The following WNT7A variants were observed in gnomAD, a reference collection of about 807,000 sequenced individuals.
The protein encoded by WNT7A is protein Wnt-7a.
A neutral mutation model predicts 28.2 loss-of-function variants in WNT7A; 16 were observed. The observed-to-expected ratio is 0.57, with a 90% confidence interval of 0.38 to 0.86. WNT7A has a LOEUF of 0.86. Among genes scored for constraint, WNT7A ranks in the 40% least tolerant of loss-of-function variants. WNT7A has a pLI of 0.00. For synonymous variants in WNT7A, 190 were observed against 195.9 expected, an observed-to-expected ratio of 0.97 and a Z score of 0.25; for missense variants, 411 against 489.7, an observed-to-expected ratio of 0.84 and a Z score of 1.52.
intron 2 of WNT7A, among the ~76,000 whole-genome samples, chr3:13,868,680 GA>G (rs571778971): frequency 6.2e-4 from 9 of 14,506 alleles, no homozygotes; most frequent in East Asian, 6.7e-3. Flanking sequence ...GAGAGAGGGG[GA>G]GAGAGAGAGA....
At chr3:13,870,108 C>T (rs1217152339) in intron 2 of WNT7A, among the ~76,000 whole-genome samples, 1 of 152,216 alleles carries the variant, frequency 6.6e-6, no homozygotes, top group Non-Finnish European at 1.5e-5. Context: ...GCCACACTCC[C>T]TCTGCCTTCT....
Position 13,874,942 on chromosome 3 carries a change from C to A in WNT7A, c.298+5G>T. The A allele has an allele frequency of 6.2e-7, 1 of 1,613,822 alleles. No homozygotes were observed. Among genetic ancestry groups the A allele is most frequent in the African/African-American group, 1.3e-5 (1 of 75,066 alleles). On this transcript the variant is annotated splice_donor_5th_base_variant and intron_variant, in intron 2 of 3. Coordinates refer to ENST00000285018, the MANE Select transcript of WNT7A (RefSeq NM_004625.4). ...CTCTGCGGGGGTGTTTGGGTGAGCA[C>A]ATACCCACTTTGAGCTCCTTCCCGA... is the stretch of plus-strand genomic sequence containing the variant.
At chr3:13,836,255 A>T (rs1353393702) in intron 3 of WNT7A, among the ~76,000 whole-genome samples, 1 of 151,588 alleles carries the variant, frequency 6.6e-6, no homozygotes, top group Non-Finnish European at 1.5e-5. Flanking sequence ...GTCCCTAGGA[A>T]CTTGGGCCAT....
intron 2 of WNT7A, 29 bp downstream of exon 2, chr3:13,874,918 T>A: frequency 1.2e-6 from 2 of 1,611,226 alleles, no homozygotes; most frequent in Non-Finnish European, 1.7e-6. Context: ...CCGGTAAGAC[T>A]CTGCGGGGGT....
At chr3:13,823,920 G>T (rs1467964823) in intron 3 of WNT7A, among the ~76,000 whole-genome samples, 1 of 152,138 alleles carries the variant, frequency 6.6e-6, no homozygotes, top group Non-Finnish European at 1.5e-5. Context: ...CTCCTGCTGG[G>T]AAGTCCTCTC....
intron 2 of WNT7A, among the ~76,000 whole-genome samples, chr3:13,872,716 C>T (rs991793551): frequency 3.9e-5 from 6 of 152,220 alleles, no homozygotes; most frequent in African/African-American, 7.2e-5. Flanking sequence ...CCATGGCCAG[C>T]TGGGGGCTGC....
At chr3:13,859,388 A>C (rs952224971) in intron 2 of WNT7A, among the ~76,000 whole-genome samples, 1 of 152,210 alleles carries the variant, frequency 6.6e-6, no homozygotes. Flanking sequence ...CTCATCTGTT[A>C]TTAGCACCTA....
At chr3:13,852,326 G>A (rs1316208203) in intron 3 of WNT7A, among the ~76,000 whole-genome samples, 2 of 152,230 alleles carry the variant, frequency 1.3e-5, no homozygotes, top group African/African-American at 4.8e-5. Flanking sequence ...AAACACATCT[G>A]CGAGCCTTTC....
intron 3 of WNT7A, among the ~76,000 whole-genome samples, chr3:13,830,944 A>T (rs1320893263): frequency 6.6e-6 from 1 of 152,158 alleles, no homozygotes; most frequent in African/African-American, 2.4e-5. Flanking sequence ...TCTCCTCATG[A>T]CATGGGCTCA....
At chr3:13,824,492 C>A (rs982182614) in intron 3 of WNT7A, among the ~76,000 whole-genome samples, 4 of 152,220 alleles carry the variant, frequency 2.6e-5, no homozygotes, top group South Asian at 2.1e-4. Flanking sequence ...ATTTTATCCA[C>A]GCATCCATCG....
At chr3:13,872,736 G>T (rs893341337) in intron 2 of WNT7A, among the ~76,000 whole-genome samples, 1 of 152,170 alleles carries the variant, frequency 6.6e-6, no homozygotes, top group Non-Finnish European at 1.5e-5. Flanking sequence ...CTCAACAGGA[G>T]AGGATCCTTG....
intron 2 of WNT7A, among the ~76,000 whole-genome samples, chr3:13,865,388 G>C (rs1036902041): frequency 1.4e-5 from 2 of 147,682 alleles, no homozygotes; most frequent in African/African-American, 2.6e-5. Context: ...CATGCCACAG[G>C]GGTCTTTCCT....
At chr3:13,862,531 A>G (rs1694847107) in intron 2 of WNT7A, among the ~76,000 whole-genome samples, 1 of 152,264 alleles carries the variant, frequency 6.6e-6, no homozygotes, top group Admixed American at 6.5e-5. Flanking sequence ...ACAGATGGAA[A>G]AAGGTTGCGC....
chr3:13,828,800 G>A (rs1014928700), intron 3 of WNT7A, among the ~76,000 whole-genome samples: 2 of 152,190 alleles, frequency 1.3e-5, no homozygotes, highest in Non-Finnish European at 2.9e-5. Flanking sequence ...TATAAGCAGT[G>A]ACCTGGGCAA....
Position 13,836,112 on chromosome 3 carries a change from C to G in WNT7A, c.571-16689G>C, listed in dbSNP as rs989508769. Among the ~76,000 whole-genome samples, 4 of 150,496 alleles carry G rather than the reference C, an allele frequency of 2.7e-5. No homozygotes were observed. The South Asian group carries it at 8.5e-4, about 32-fold the overall frequency. On this transcript the variant is annotated intron_variant, in intron 3 of 3. Coordinates refer to ENST00000285018, the MANE Select transcript of WNT7A (RefSeq NM_004625.4). ...ATTGATTGTGGTGACGGTTGCACAA[C>G]TGTGAATACCCTAAAAACCTTGGAC... is the stretch of plus-strand genomic sequence containing the variant.
At chr3:13,833,382 C>T in intron 3 of WNT7A, among the ~76,000 whole-genome samples, 1 of 152,228 alleles carries the variant, frequency 6.6e-6, no homozygotes, top group East Asian at 1.9e-4. Flanking sequence ...CACACACACA[C>T]ACCCTCAAAC....
intron 2 of WNT7A, among the ~76,000 whole-genome samples, chr3:13,869,024 G>A: frequency 6.9e-6 from 1 of 144,046 alleles, no homozygotes; most frequent in Middle Eastern, 3.8e-3. Flanking sequence ...GAGAGAAAGA[G>A]AGAAAGTGAG....
intron 3 of WNT7A, among the ~76,000 whole-genome samples, chr3:13,826,140 C>A (rs963245995): frequency 6.6e-6 from 1 of 152,188 alleles, no homozygotes; most frequent in African/African-American, 2.4e-5. Flanking sequence ...CTGGGGAGTT[C>A]CCAGGAAGAC....
intron 3 of WNT7A, among the ~76,000 whole-genome samples, chr3:13,838,670 C>T (rs1694408336): frequency 6.6e-6 from 1 of 152,210 alleles, no homozygotes; most frequent in African/African-American, 2.4e-5. Flanking sequence ...TTTTGCAGGA[C>T]TGCTCTGGAC....
Sources: allele counts gnomAD v4.1 joint callset (sites outside exome capture counted in the v4.1 genomes callset), GRCh38; gene constraint gnomAD v4.1.1; transcripts MANE v1.5; gene names NCBI Gene and HGNC (gene_info 2026-07-23, HGNC 2026-07-21).